The following KTN1 variants were observed in gnomAD, a reference collection of about 807,000 sequenced individuals.
KTN1 encodes kinectin 1.
Under a neutral mutation model 222.5 loss-of-function variants are expected in KTN1, and 130 were observed. The observed-to-expected ratio is 0.58, with a 90% CI of 0.51 to 0.68. KTN1 has a LOEUF of 0.68. Ranked by LOEUF, KTN1 falls within the 30% of genes least tolerant of loss-of-function variation. KTN1 has a pLI of 0.00. For synonymous variants in KTN1, 512 were observed against 496.3 expected (o/e 1.03, Z -0.42); for missense variants, 1,508 against 1,500.4 (o/e 1.01, Z -0.08).
chr14:55,656,446 A>G (rs924967963), intron 29 of KTN1: 1 of 228,554 alleles, frequency 4.4e-6, no homozygotes, highest in African/African-American at 2.3e-5. Context: ...GTTTTATGAT[A>G]TTGGATGGTT....
Position 55,661,299 on chromosome 14 carries a change from C to CTGA in KTN1, c.3000-222_3000-220dup, listed in dbSNP as rs1247860819. 7 of 398,282 alleles carry CTGA rather than the reference C, an allele frequency of 1.8e-5. No homozygotes were observed. The East Asian group carries it at 2.5e-4, about 14-fold the overall frequency. 24.7% of individuals were successfully genotyped at this position (398,282 alleles called of 1,614,324 possible). ...GATGAGATTTCTCTTTAGCACAAGC[C>CTGA]TGAGCATACCATATTAGGCATAAAA... On this transcript the variant is annotated intron_variant, in intron 31 of 43. Coordinates refer to ENST00000395314, the MANE Select transcript of KTN1 (RefSeq NM_001079521.2).
intron 34 of KTN1, 90 bp downstream of exon 34, chr14:55,667,420 G>T: frequency 1.5e-6 from 1 of 650,622 alleles, no homozygotes; most frequent in Non-Finnish European, 2.6e-6. Flanking sequence ...CTTGGTTTCA[G>T]TAGAGTGCTG....
intron 5 of KTN1, among the ~76,000 whole-genome samples, chr14:55,625,473 C>G (rs2039692030): frequency 6.6e-6 from 1 of 152,112 alleles, no homozygotes; most frequent in South Asian, 2.1e-4. Context: ...TTCCACCAGT[C>G]TCAACTTTCA....
intron 2 of KTN1, among the ~76,000 whole-genome samples, chr14:55,613,057 C>T (rs2037825291): frequency 6.6e-6 from 1 of 152,172 alleles, no homozygotes. Context: ...ATTTCTCACC[C>T]TTGATTGCTT....
intron 5 of KTN1, among the ~76,000 whole-genome samples, chr14:55,620,218 C>T (rs569030232): frequency 7.9e-5 from 12 of 152,288 alleles, no homozygotes; most frequent in South Asian, 4.1e-4. Flanking sequence ...TGGGCAGCTC[C>T]GCCCCTGTGG....
At chr14:55,661,680 A>AT (rs1566825057) in intron 32 of KTN1, 68 bp downstream of exon 32, 17 of 763,168 alleles carry the variant, frequency 2.2e-5, no homozygotes, top group African/African-American at 7.2e-5. Context: ...TGGTTCAGGA[A>AT]TTTTTTTTAA....
Position 55,641,748 on chromosome 14 carries a change from T to G in KTN1, c.2160T>G (p.Leu720=). The change falls in exon 18 of 44, where the codon CTT becomes CTG. Residue 720 remains leucine, a synonymous_variant. Transcript: ENST00000395314. The part of the protein sequence containing the change: ...LKSEVQKLQT[L]VSEQPNKDVV... The stretch of plus-strand genomic sequence containing the variant: ...CAGAAGTTCAGAAGCTACAGACTCT[T>G]GTTTCTGAACAGGTAAGGCTTTTCC... The G allele has an allele frequency of 6.3e-7, 1 of 1,589,558 alleles. No homozygotes were observed. The highest frequency in any genetic ancestry group is 1.3e-5 in the African/African-American group (1 of 74,546).
At position 55,617,994 on chromosome 14, in the gene KTN1, C is replaced by G. The variant is rs1465232456; in HGVS notation, c.692C>G (p.Thr231Ser). 1.3e-6 allele frequency: 2 copies of G among 1,599,770 alleles called. No individual in the cohort carries two copies. The highest frequency in any genetic ancestry group is 4.5e-5 in the East Asian group (2 of 44,426). Residue 231 changes from threonine (T) to serine (S), a missense_variant, in exon 4 of 44, where the codon ACT becomes AGT. Coordinates refer to ENST00000395314, the MANE Select transcript of KTN1 (RefSeq NM_001079521.2). ...VFVDEPLIHATTYIPLMDNAD... is the reference protein window; with the variant it reads ...VFVDEPLIHASTYIPLMDNAD... ...GTAGATGAACCCCTTATTCATGCAA[C>G]TACTTATATTCCTTTGATGGATAAT...
intron 33 of KTN1, among the ~76,000 whole-genome samples, chr14:55,666,739 TA>T (rs1412847983): frequency 6.6e-6 from 1 of 151,958 alleles, no homozygotes; most frequent in Admixed American, 6.6e-5. Context: ...TTGTTTAGCA[TA>T]AATACTTCAC....
At chr14:55,648,571 A>G (rs1317287071) in intron 20 of KTN1, among the ~76,000 whole-genome samples, 1 of 152,228 alleles carries the variant, frequency 6.6e-6, no homozygotes, top group Non-Finnish European at 1.5e-5. Context: ...GGTTGTCCAG[A>G]CATGAGTGGA....
chr14:55,649,508 C>G (rs2042727081), intron 21 of KTN1, among the ~76,000 whole-genome samples: 1 of 152,112 alleles, frequency 6.6e-6, no homozygotes, highest in Admixed American at 6.5e-5. Context: ...TGTGTTTTCT[C>G]TATGGTTGGA....
Position 55,634,512 on chromosome 14 carries a change from G to C in KTN1, c.1329-14G>C, listed in dbSNP as rs781201703. ...GTAATAACGGAAGGCTCCTAATCCAGTTACTGTTTTCAGGCAGTCTGCAGA... is the reference window on the plus strand; with the variant it reads ...GTAATAACGGAAGGCTCCTAATCCACTTACTGTTTTCAGGCAGTCTGCAGA... On this transcript the variant is annotated splice_polypyrimidine_tract_variant and intron_variant, in intron 8 of 43. Transcript: ENST00000395314. 1.9e-6 allele frequency: 3 copies of C among 1,595,902 alleles called. No individual in the cohort carries two copies. Among genetic ancestry groups the C allele is most frequent in the Non-Finnish European group, 2.6e-6 (3 of 1,174,168 alleles).
At chr14:55,583,126 A>G (rs1297576969) in intron 1 of KTN1, among the ~76,000 whole-genome samples, 6 of 152,218 alleles carry the variant, frequency 3.9e-5, no homozygotes, top group African/African-American at 1.4e-4. Flanking sequence ...TAAGGGGAAG[A>G]ACCTTATGTG....
intron 5 of KTN1, among the ~76,000 whole-genome samples, chr14:55,623,091 A>G (rs563714639): frequency 1.3e-5 from 2 of 152,294 alleles, no homozygotes; most frequent in Non-Finnish European, 1.5e-5. Context: ...ATTTTCTCAT[A>G]TAAGGCTAAC....
chr14:55,604,359 T>G (rs889992794), intron 1 of KTN1, among the ~76,000 whole-genome samples: 2 of 152,198 alleles, frequency 1.3e-5, no homozygotes, highest in African/African-American at 4.8e-5. Flanking sequence ...ACTTCAGGTC[T>G]TTATTGAGAT....
At chr14:55,678,719 G>A (rs914488071) in intron 42 of KTN1, 13 of 345,288 alleles carry the variant, frequency 3.8e-5, no homozygotes, top group African/African-American at 2.6e-4. Flanking sequence ...CCACACAGCA[G>A]GAGATGAGTG....
At chr14:55,661,485 C>T (rs1371942093) in intron 31 of KTN1, 37 bp from the exon 32 acceptor site, 1 of 1,119,168 alleles carries the variant, frequency 8.9e-7, no homozygotes. Context: ...TACTGTTTAC[C>T]TAAAATCTTG....
Position 55,671,827 on chromosome 14 carries a change from G to A in KTN1, c.3481G>A (p.Glu1161Lys). Reference protein sequence around the residue: ...QKLQRSVEQEENKWKVKVDES... With the variant: ...QKLQRSVEQEKNKWKVKVDES... ...GCTACAGAGAAGTGTTGAGCAAGAA[G>A]AAAATAAATGGAAAGTTAAGGTCGA... Residue 1161 changes from glutamate (E) to lysine (K), a missense_variant, in exon 37 of 44, where the codon GAA (glutamate) becomes AAA (lysine). Transcript: ENST00000395314. 1 of 1,610,918 alleles carries A rather than the reference G, an allele frequency of 6.2e-7. No homozygotes were observed. The highest frequency in any genetic ancestry group is 8.5e-7 in the Non-Finnish European group (1 of 1,177,318).
intron 40 of KTN1, chr14:55,675,582 T>G: frequency 5.8e-6 from 2 of 343,562 alleles, no homozygotes; most frequent in East Asian, 9.4e-5. Flanking sequence ...TACTGGAATT[T>G]GATGGTTTTG....
Sources: gnomAD v4.1 joint callset for allele counts (sites outside exome capture counted in the v4.1 genomes callset) on GRCh38, gnomAD v4.1.1 for gene constraint, MANE v1.5 for transcripts, NCBI Gene and HGNC (gene_info 2026-07-23, HGNC 2026-07-21) for gene names.